ATP8A1: variants seen among roughly 807,000 people sequenced by gnomAD.
The protein encoded by ATP8A1 is ATPase phospholipid transporting 8A1, also known as phospholipid-transporting ATPase IA.
In ATP8A1, 90 loss-of-function variants were observed where a neutral mutation model predicts 177.7. The observed-to-expected ratio is 0.51, with a 90% CI of 0.43 to 0.60. The LOEUF is 0.60. ATP8A1 is among the 20% of genes least tolerant of loss of function. The pLI is 0.00. For synonymous variants in ATP8A1, 493 were observed against 485.9 expected, an observed-to-expected ratio of 1.01 and a Z score of -0.19; for missense variants, 1,072 against 1,392.8, an observed-to-expected ratio of 0.77 and a Z score of 3.67.
intron 25 of ATP8A1, among the ~76,000 whole-genome samples, chr4:42,485,238 A>T (rs2153189142): frequency 6.6e-6 from 1 of 152,342 alleles, no homozygotes; most frequent in South Asian, 2.1e-4. Flanking sequence ...ATGCAGGTAG[A>T]TAATGAATTT....
At chr4:42,639,789 A>G (rs143955025) in intron 1 of ATP8A1, among the ~76,000 whole-genome samples, 1 of 152,356 alleles carries the variant, frequency 6.6e-6, no homozygotes, top group Admixed American at 6.5e-5. Flanking sequence ...TTCAGTATGC[A>G]TGGGGGATTG....
chr4:42,615,466 T>TA lies in ATP8A1; in HGVS notation c.409+566dup, dbSNP rs1736807641. On this transcript the variant is annotated intron_variant, in intron 5 of 36. Transcript: ENST00000381668. ...CCTGGGCATTAAAAAAAAAAAATCT[T>TA]AGAGCATGATGGCGAATTTGCTTGT... 2.0e-5 allele frequency among the ~76,000 whole-genome samples: 3 copies of TA among 152,210 alleles called. No individual in the cohort carries two copies. In the East Asian group the frequency reaches 5.8e-4, roughly 29 times the overall value.
At chr4:42,569,245 T>C (rs1031104839) in intron 14 of ATP8A1, 40 bp from the exon 15 acceptor site, 1 of 1,540,232 alleles carries the variant, frequency 6.5e-7, no homozygotes, top group Non-Finnish European at 8.9e-7. Context: ...AGAGGAAAAA[T>C]AATCACAGAA....
chr4:42,417,647 C>T (rs773113603), intron 35 of ATP8A1, among the ~76,000 whole-genome samples: 30 of 152,074 alleles, frequency 2.0e-4, no homozygotes, highest in Non-Finnish European at 3.7e-4. Flanking sequence ...TGTGTTGGAA[C>T]GTGTTGTCTT....
intron 5 of ATP8A1, among the ~76,000 whole-genome samples, chr4:42,602,945 A>C (rs1735442907): frequency 6.6e-6 from 1 of 152,128 alleles, no homozygotes; most frequent in African/African-American, 2.4e-5. Flanking sequence ...GTGGGCTATA[A>C]GTTTGCATTA....
rs1725222931 is a variant in ATP8A1, at chr4:42,513,491, T to C, written c.1948-6337A>G. On this transcript the variant is annotated intron_variant, in intron 22 of 36. Transcript: ENST00000381668. ...ACACTTGACTTTAAATACTAAACAA[T>C]GAATTAAGGTTTAGCCAAGAAATGG... Among the ~76,000 whole-genome samples the C allele has an allele frequency of 4.6e-5, 7 of 151,984 alleles. No homozygotes were observed. The South Asian group carries it at 6.2e-4, about 14-fold the overall frequency.
At chr4:42,439,166 C>CA (rs1311396062) in intron 33 of ATP8A1, among the ~76,000 whole-genome samples, 2 of 152,036 alleles carry the variant, frequency 1.3e-5, no homozygotes, top group Non-Finnish European at 2.9e-5. Context: ...TTAACTAGAG[C>CA]AAAATATCTG....
At chr4:42,421,235 G>T (rs1280706298) in intron 35 of ATP8A1, among the ~76,000 whole-genome samples, 1 of 152,126 alleles carries the variant, frequency 6.6e-6, no homozygotes, top group Non-Finnish European at 1.5e-5. Context: ...CCTGAAAGTA[G>T]GTATTATCAT....
Position 42,421,301 on chromosome 4 carries a change from T to C in ATP8A1, c.3305+1506A>G, listed in dbSNP as rs576178512. On this transcript the variant is annotated intron_variant, in intron 35 of 36. Transcript: ENST00000381668. Reference sequence around the variant, plus strand: ...GAGATTAAGTACTTTGTCAAGTTAGTAGTAGGCTGTTTTTTGCAGCTCTAT... The same window carrying C: ...GAGATTAAGTACTTTGTCAAGTTAGCAGTAGGCTGTTTTTTGCAGCTCTAT... Among the ~76,000 whole-genome samples the C allele has an allele frequency of 2.1e-4, 32 of 152,322 alleles. No homozygotes were observed. The South Asian group carries it at 2.7e-3, about 13-fold the overall frequency.
intron 15 of ATP8A1, among the ~76,000 whole-genome samples, chr4:42,558,464 G>C (rs1730478594): frequency 6.6e-6 from 1 of 152,158 alleles, no homozygotes; most frequent in South Asian, 2.1e-4. Context: ...ATAATTTGCA[G>C]CTTCTTTAGG....
At chr4:42,467,292 G>A (rs184748345) in intron 25 of ATP8A1, among the ~76,000 whole-genome samples, 3 of 152,178 alleles carry the variant, frequency 2.0e-5, no homozygotes, top group Admixed American at 2.0e-4. Flanking sequence ...ATTGCCCTTA[G>A]CAACAATGCC....
chr4:42,535,741 A>G (rs757772053), intron 20 of ATP8A1, among the ~76,000 whole-genome samples: 10 of 152,212 alleles, frequency 6.6e-5, no homozygotes, highest in Non-Finnish European at 1.3e-4. Context: ...CAAATTTAAG[A>G]AATTAGAAAT....
chr4:42,585,552 C>T (rs1218976762), intron 9 of ATP8A1, among the ~76,000 whole-genome samples: 1 of 148,730 alleles, frequency 6.7e-6, no homozygotes, highest in Non-Finnish European at 1.5e-5. Flanking sequence ...CAGGCCCCAG[C>T]AGACACTGAA....
intron 15 of ATP8A1, among the ~76,000 whole-genome samples, chr4:42,565,037 TC>T (rs1489833273): frequency 6.6e-6 from 1 of 152,180 alleles, no homozygotes; most frequent in Non-Finnish European, 1.5e-5. Context: ...CGTGCTGCCA[TC>T]CACGTAAGAC....
chr4:42,561,405 C>T (rs1479923691), intron 15 of ATP8A1: 1 of 152,292 alleles, frequency 6.6e-6, no homozygotes, highest in East Asian at 1.9e-4. Flanking sequence ...TCCAGACATC[C>T]CTCTGGGAAA....
At chr4:42,555,871 T>TA (rs1319284532) in intron 16 of ATP8A1, 97 bp downstream of exon 16, 14 of 782,242 alleles carry the variant, frequency 1.8e-5, no homozygotes, top group Non-Finnish European at 2.8e-5. Context: ...ATCATGAAAG[T>TA]AAAAAAAGAG....
chr4:42,580,351 C>G (rs1240594594), intron 10 of ATP8A1, among the ~76,000 whole-genome samples: 2 of 152,158 alleles, frequency 1.3e-5, no homozygotes, highest in Middle Eastern at 3.2e-3. Flanking sequence ...GACAGGCAGA[C>G]AAGGCAGCCC....
At position 42,439,920 on chromosome 4, in the gene ATP8A1, A is replaced by C. The variant is rs183262009; in HGVS notation, c.3123+3645T>G. Reference sequence around the variant, plus strand: ...CTGGGGATCAGACATCGAAGTTGAAACCTTATCTCTGCCACTATGAGTCAG... The same window carrying C: ...CTGGGGATCAGACATCGAAGTTGAACCCTTATCTCTGCCACTATGAGTCAG... On this transcript the variant is annotated intron_variant, in intron 33 of 36. Coordinates refer to ENST00000381668, the MANE Select transcript of ATP8A1 (RefSeq NM_006095.2). 2.0e-3 allele frequency among the ~76,000 whole-genome samples: 307 copies of C among 152,252 alleles called. 1 individual carries two copies. The highest frequency in any genetic ancestry group is 3.3e-3 in the Admixed American group (51 of 15,292).
chr4:42,556,048 G>A lies in ATP8A1; in HGVS notation c.1341-8C>T, dbSNP rs777447145. 5.0e-6 allele frequency: 8 copies of A among 1,604,492 alleles called. No homozygotes were observed. The African/African-American group carries it at 9.4e-5, about 19-fold the overall frequency. On this transcript the variant is annotated splice_region_variant and splice_polypyrimidine_tract_variant and intron_variant, in intron 15 of 36. Coordinates refer to ENST00000381668, the MANE Select transcript of ATP8A1 (RefSeq NM_006095.2). ...CCAAACTGTGAGTTCTGCCTGAAGG[G>A]GGTAAAAAATAGAGTAAACCCAGTT...
Sources: gnomAD v4.1 joint callset for allele counts (sites outside exome capture counted in the v4.1 genomes callset) on GRCh38, gnomAD v4.1.1 for gene constraint, MANE v1.5 for transcripts, NCBI Gene and HGNC (gene_info 2026-07-23, HGNC 2026-07-21) for gene names.